Variants in ANKMY1 observed in about 807,000 individuals in gnomAD.
The protein encoded by ANKMY1 is ankyrin repeat and MYND domain-containing protein 1.
In ANKMY1, 98 loss-of-function variants were observed where a neutral mutation model predicts 102.0. The observed-to-expected ratio is 0.96, with a 90% CI of 0.82 to 1.14. The LOEUF is 1.14. ANKMY1 is among the 50% of genes most tolerant of loss of function. ANKMY1 has a pLI of 0.00. For synonymous variants in ANKMY1, 582 were observed against 559.9 expected, an observed-to-expected ratio of 1.04 and a Z score of -0.56; for missense variants, 1,330 against 1,347.6, an observed-to-expected ratio of 0.99 and a Z score of 0.20.
intron 5 of ANKMY1, chr2:240,528,012 G>A (rs898262300): frequency 6.6e-6 from 1 of 152,230 alleles, no homozygotes; most frequent in East Asian, 1.9e-4. Context: ...ACTTCAACCG[G>A]GCACGGTGGC....
At chr2:240,508,493 G>A (rs879198556) in intron 12 of ANKMY1, among the ~76,000 whole-genome samples, 2 of 152,248 alleles carry the variant, frequency 1.3e-5, no homozygotes, top group Admixed American at 1.3e-4. Flanking sequence ...CTGCTGAAAT[G>A]TCACCTCATC....
Position 240,520,620 on chromosome 2 carries a change from G to C in ANKMY1, c.1833-87C>G, listed in dbSNP as rs2152319428. 1.4e-6 allele frequency: 2 copies of C among 1,473,608 alleles called. No homozygotes were observed. Among genetic ancestry groups the C allele is most frequent in the Non-Finnish European group, 9.0e-7 (1 of 1,105,086 alleles). 91.3% of individuals were successfully genotyped at this position (1,473,608 alleles called of 1,614,324 possible). A position where few individuals can be genotyped will look rare whatever the true frequency, so the allele number is the denominator to read the frequency against. ...GGGGCCATGCCAGCGAGGAGGCTGG[G>C]GAGGGGCGCGTAGGGAGTATGTGTG... On this transcript the variant is annotated intron_variant, in intron 8 of 17. Coordinates refer to ENST00000401804, the MANE Select transcript of ANKMY1 (RefSeq NM_001282771.3). The surrounding 1 kb of genome is among the most constrained non-coding windows in gnomAD (Gnocchi z 4.8).
chr2:240,471,639 C>A, the ANKMY1 span, among the ~76,000 whole-genome samples: 2 of 152,108 alleles, frequency 1.3e-5, no homozygotes, highest in African/African-American at 4.8e-5. Context: ...AGCAAGATGG[C>A]AGAACAGGGG....
Position 240,520,225 on chromosome 2 carries a change from G to A in ANKMY1, c.2004+137C>T, listed in dbSNP as rs1215933056. 3.8e-6 allele frequency: 5 copies of A among 1,325,670 alleles called. No individual in the cohort carries two copies. The highest frequency in any genetic ancestry group is 2.0e-5 in the Admixed American group (1 of 50,010). 82.1% of individuals were successfully genotyped at this position (1,325,670 alleles called of 1,614,324 possible). Reference sequence around the variant, plus strand: ...GTGGGACCCCCCACTGCGGCGCGCCGTCATCACTCACAGCCCAGGTGGTCG... The same window carrying A: ...GTGGGACCCCCCACTGCGGCGCGCCATCATCACTCACAGCCCAGGTGGTCG... On this transcript the variant is annotated intron_variant, in intron 9 of 17. Coordinates refer to ENST00000401804, the MANE Select transcript of ANKMY1 (RefSeq NM_001282771.3). The surrounding 1 kb of genome is among the most constrained non-coding windows in gnomAD (Gnocchi z 4.8).
intron 4 of ANKMY1, among the ~76,000 whole-genome samples, chr2:240,539,303 G>A (rs1210752726): frequency 6.6e-6 from 1 of 150,568 alleles, no homozygotes; most frequent in Non-Finnish European, 1.5e-5. Context: ...CTGGACCAGA[G>A]GAACGAACAA....
chr2:240,520,178 G>GACAT lies in ANKMY1; in HGVS notation c.2004+180_2004+183dup. 1.1e-6 allele frequency: 1 copy of GACAT among 896,010 alleles called. No individual in the cohort carries two copies. Among genetic ancestry groups the GACAT allele is most frequent in the Non-Finnish European group, 1.8e-6 (1 of 549,648 alleles). 55.5% of individuals were successfully genotyped at this position (896,010 alleles called of 1,614,324 possible). A position where few individuals can be genotyped will look rare whatever the true frequency, so the allele number is the denominator to read the frequency against. On this transcript the variant is annotated intron_variant, in intron 9 of 17. Transcript: ENST00000401804. This position sits in a 1 kb window ranked among gnomAD's most constrained non-coding sequence, Gnocchi z 4.8. ...GCTCGGTGTCCAAATCCTGTCTGGG[G>GACAT]ACATGGGTGAAAGAGCGGGCTGTGG...
chr2:240,504,159 G>A lies in ANKMY1; in HGVS notation c.2526+3401C>T, dbSNP rs1289358121. Among the ~76,000 whole-genome samples the A allele has an allele frequency of 5.9e-5, 9 of 152,368 alleles. No individual in the cohort carries two copies. In the East Asian group the frequency reaches 1.2e-3, roughly 20 times the overall value. The stretch of plus-strand genomic sequence containing the variant: ...TCTGCCACAGCCTGAACAGCAAGAC[G>A]TGGTGGGAGATGGAGGCTTCGCCAG... On this transcript the variant is annotated intron_variant, in intron 13 of 17. Coordinates refer to ENST00000401804, the MANE Select transcript of ANKMY1 (RefSeq NM_001282771.3).
In ANKMY1 at chr2:240,500,546, T is replaced by C; in HGVS notation, c.2546A>G (p.His849Arg). The part of the protein sequence containing the change: ...KLALIDRLIS[H>R]GADILKPVML... ...TACAGGCTTCAGGATGTCGGCCCCG[T>C]GACTGATGAGTCGGTCAATCTGTGG... The change falls in exon 14 of 18, where the codon CAC becomes CGC. Residue 849 changes from histidine to arginine, a missense_variant. Coordinates refer to ENST00000401804, the MANE Select transcript of ANKMY1 (RefSeq NM_001282771.3). The C allele has an allele frequency of 6.2e-7, 1 of 1,614,128 alleles. No individual in the cohort carries two copies. The highest frequency in any genetic ancestry group is 8.5e-7 in the Non-Finnish European group (1 of 1,179,994).
chr2:240,529,988 G>T lies in ANKMY1; in HGVS notation c.481-479C>A, dbSNP rs2084937004. ...AGGAGGAGGAGGAAGAGGAAGGAGGGAAGAGCAGGAGAGGAGGCCAAAGGG... is the reference window on the plus strand; with the variant it reads ...AGGAGGAGGAGGAAGAGGAAGGAGGTAAGAGCAGGAGAGGAGGCCAAAGGG... On this transcript the variant is annotated intron_variant, in intron 4 of 17. Coordinates refer to ENST00000401804, the MANE Select transcript of ANKMY1 (RefSeq NM_001282771.3). The surrounding 1 kb of genome is among the most constrained non-coding windows in gnomAD (Gnocchi z 4.2). 6.6e-6 allele frequency among the ~76,000 whole-genome samples: 1 copy of T among 152,004 alleles called. No individual in the cohort carries two copies. The highest frequency in any genetic ancestry group is 1.5e-5 in the Non-Finnish European group (1 of 67,982).
At chr2:240,503,006 C>G (rs890193597) in intron 13 of ANKMY1, among the ~76,000 whole-genome samples, 8 of 152,200 alleles carry the variant, frequency 5.3e-5, no homozygotes, top group African/African-American at 1.9e-4. Flanking sequence ...TCCAGTGGCC[C>G]TGTCCTCCAC....
At chr2:240,512,652 G>A (rs780227200) in intron 10 of ANKMY1, 150 bp downstream of exon 10, 14 of 1,087,896 alleles carry the variant, frequency 1.3e-5, no homozygotes, top group Non-Finnish European at 1.6e-5. Context: ...TCATCTGGAC[G>A]GGTTGTTTCT....
intron 13 of ANKMY1, among the ~76,000 whole-genome samples, chr2:240,502,543 C>T (rs2078367179): frequency 1.3e-5 from 2 of 151,972 alleles, no homozygotes; most frequent in South Asian, 4.2e-4. Context: ...GAGGCTTTCT[C>T]GCCCCAGGTC....
intron 15 of ANKMY1, among the ~76,000 whole-genome samples, chr2:240,489,013 G>A (rs1574899445): frequency 6.6e-6 from 1 of 152,280 alleles, no homozygotes; most frequent in East Asian, 1.9e-4. Context: ...GGTTGAATGG[G>A]AGTGGTGAAA....
Position 240,524,322 on chromosome 2 carries a change from C to T in ANKMY1, c.1395G>A (p.Leu465=), listed in dbSNP as rs762731037. The T allele has an allele frequency of 1.2e-6, 2 of 1,613,004 alleles. No homozygotes were observed. Among genetic ancestry groups the T allele is most frequent in the South Asian group, 2.2e-5 (2 of 91,058 alleles). ...ILSSSFMDTN[L]ESLYYEVNVP... ...CGTTCACCTCATAGTACAGAGACTC[C>T]AGGTTTGTGTCCATAAATGATGATG... The change falls in exon 8 of 18, where the codon CTG becomes CTA. Residue 465 remains leucine (L), a synonymous_variant. Coordinates refer to ENST00000401804, the MANE Select transcript of ANKMY1 (RefSeq NM_001282771.3).
At chr2:240,478,347 T>C (rs1559215989), downstream of ANKMY1, among the ~76,000 whole-genome samples, 1 of 152,252 alleles carries the variant, frequency 6.6e-6, no homozygotes, top group Admixed American at 6.5e-5. Context: ...GTAGATATTC[T>C]CTAACTTTTA....
chr2:240,540,087 T>G (rs2088265259), intron 4 of ANKMY1, among the ~76,000 whole-genome samples: 1 of 152,222 alleles, frequency 6.6e-6, no homozygotes, highest in African/African-American at 2.4e-5. Context: ...ATCCTTAACT[T>G]AAAACATTCC....
the ANKMY1 span, among the ~76,000 whole-genome samples, chr2:240,469,138 T>C: frequency 6.6e-6 from 1 of 152,158 alleles, no homozygotes; most frequent in Non-Finnish European, 1.5e-5. Context: ...GCCGGCAGGA[T>C]CTCAGGCTTC....
intron 15 of ANKMY1, among the ~76,000 whole-genome samples, chr2:240,489,739 T>G (rs2076430020): frequency 6.6e-6 from 1 of 152,214 alleles, no homozygotes; most frequent in African/African-American, 2.4e-5. Context: ...GCATGTGTCC[T>G]TGTCTGCTTT....
At chr2:240,556,075 A>G (rs552627833) in intron 2 of ANKMY1, among the ~76,000 whole-genome samples, 158 of 152,190 alleles carry the variant, frequency 1.0e-3, no homozygotes, top group African/African-American at 3.7e-3. Flanking sequence ...GTAGTGAGAG[A>G]GGATGGGGGA....
Sources: gnomAD v4.1 joint callset for allele counts (sites outside exome capture counted in the v4.1 genomes callset) on GRCh38, gnomAD v4.1.1 for gene constraint, Gnocchi (gnomAD v3.1) non-coding constraint, MANE v1.5 for transcripts, NCBI Gene and HGNC (gene_info 2026-07-23, HGNC 2026-07-21) for gene names.